AP3B1: variants seen among roughly 807,000 people sequenced by gnomAD.
AP3B1 encodes adaptor related protein complex 3 subunit beta 1.
A neutral mutation model predicts 132.5 loss-of-function variants in AP3B1; 61 were observed. The observed-to-expected ratio is 0.46, with a 90% confidence interval of 0.37 to 0.57. The LOEUF (loss-of-function observed/expected upper bound fraction) is 0.57. AP3B1 is among the 20% of genes least tolerant of loss of function. AP3B1 has a pLI of 0.00. For missense variants in AP3B1, 1,120 were observed against 1,289.4 expected, an observed-to-expected ratio of 0.87 and a Z score of 2.01; for synonymous variants, 388 against 438.3, an observed-to-expected ratio of 0.89 and a Z score of 1.43.
chr5:78,076,785 G>C (rs1749784832), intron 22 of AP3B1, among the ~76,000 whole-genome samples: 1 of 152,178 alleles, frequency 6.6e-6, no homozygotes, highest in Non-Finnish European at 1.5e-5. Flanking sequence ...GGTTCAGTGA[G>C]CTTCCCTGGC....
chr5:78,155,821 T>C (rs1374814809), intron 14 of AP3B1, among the ~76,000 whole-genome samples: 1 of 151,900 alleles, frequency 6.6e-6, no homozygotes, highest in African/African-American at 2.4e-5. Context: ...CAAAAACCAA[T>C]GATACACTTC....
At chr5:78,112,849 G>C (rs1179953746) in intron 19 of AP3B1, among the ~76,000 whole-genome samples, 1 of 152,126 alleles carries the variant, frequency 6.6e-6, no homozygotes, top group Non-Finnish European at 1.5e-5. Context: ...TGGTAACTAG[G>C]TTTTTAACTT....
At chr5:78,283,704 A>T (rs1209053812) in intron 1 of AP3B1, among the ~76,000 whole-genome samples, 1 of 152,104 alleles carries the variant, frequency 6.6e-6, no homozygotes, top group Non-Finnish European at 1.5e-5. Context: ...TCCAAAACGG[A>T]CCTCAACACT....
intron 22 of AP3B1, among the ~76,000 whole-genome samples, chr5:78,078,430 C>G (rs1749850992): frequency 6.6e-6 from 1 of 152,212 alleles, no homozygotes; most frequent in Non-Finnish European, 1.5e-5. Flanking sequence ...AACTGTTTCA[C>G]AATATGGCTT....
intron 6 of AP3B1, among the ~76,000 whole-genome samples, chr5:78,216,759 C>A (rs902180513): frequency 6.6e-6 from 1 of 152,052 alleles, no homozygotes; most frequent in South Asian, 2.1e-4. Context: ...CTTAATCCAC[C>A]GGTTTTTACC....
chr5:78,167,428 G>A (rs1415097936), intron 11 of AP3B1, among the ~76,000 whole-genome samples: 1 of 152,144 alleles, frequency 6.6e-6, no homozygotes, highest in African/African-American at 2.4e-5. Context: ...AAAACAGTGT[G>A]GAGATTCCTT....
chr5:78,036,629 G>A (rs2112095572), intron 23 of AP3B1, among the ~76,000 whole-genome samples: 1 of 152,082 alleles, frequency 6.6e-6, no homozygotes, highest in East Asian at 1.9e-4. Flanking sequence ...TGGGGAAAAT[G>A]GAATATTATT....
chr5:78,294,603 G>C lies in AP3B1; in HGVS notation c.-24C>G, dbSNP rs758418271. ...ATTGCCGCGGTGCTGGCGGGTGCGGGGTTGGTCCTGCCGGGGGTTCTCTCC... is the reference window on the plus strand; with the variant it reads ...ATTGCCGCGGTGCTGGCGGGTGCGGCGTTGGTCCTGCCGGGGGTTCTCTCC... On this transcript the variant is annotated 5_prime_UTR_variant, in exon 1 of 27. Transcript: ENST00000255194. The C allele has an allele frequency of 3.7e-6, 6 of 1,613,710 alleles. No individual in the cohort carries two copies. Among genetic ancestry groups the C allele is most frequent in the Non-Finnish European group, 5.1e-6 (6 of 1,180,038 alleles).
chr5:78,154,233 C>G (rs1352616225), intron 14 of AP3B1, among the ~76,000 whole-genome samples: 1 of 152,138 alleles, frequency 6.6e-6, no homozygotes, highest in Non-Finnish European at 1.5e-5. Flanking sequence ...ATATACTATT[C>G]TAGGGTAAAA....
At chr5:78,276,151 A>T (rs1748764893) in intron 1 of AP3B1, among the ~76,000 whole-genome samples, 1 of 151,700 alleles carries the variant, frequency 6.6e-6, no homozygotes, top group Non-Finnish European at 1.5e-5. Context: ...CTGCAGCCTC[A>T]AACTCCTAAG....
chr5:78,150,854 T>A (rs375721207), intron 14 of AP3B1, among the ~76,000 whole-genome samples: 15 of 152,274 alleles, frequency 9.9e-5, no homozygotes, highest in East Asian at 5.8e-4. Context: ...TCCCCAAATG[T>A]TAACATTTTA....
At chr5:78,125,502 G>A (rs1027491262) in intron 17 of AP3B1, among the ~76,000 whole-genome samples, 1 of 152,164 alleles carries the variant, frequency 6.6e-6, no homozygotes, top group Non-Finnish European at 1.5e-5. Context: ...GAAGGGAGAT[G>A]AAGTAGAGTG....
chr5:78,062,789 T>C (rs1394650508), intron 22 of AP3B1, among the ~76,000 whole-genome samples: 2 of 152,138 alleles, frequency 1.3e-5, no homozygotes, highest in African/African-American at 4.8e-5. Context: ...CTGCAATATT[T>C]CTTCAGGTCT....
At chr5:78,225,318 CT>C (rs1746359381) in intron 6 of AP3B1, among the ~76,000 whole-genome samples, 2 of 151,966 alleles carry the variant, frequency 1.3e-5, no homozygotes, top group Non-Finnish European at 1.5e-5. Context: ...CTCAACTTGC[CT>C]TTTTTCAGAT....
At chr5:78,275,700 C>CCT (rs1469717696) in intron 1 of AP3B1, among the ~76,000 whole-genome samples, 1 of 152,194 alleles carries the variant, frequency 6.6e-6, no homozygotes, top group African/African-American at 2.4e-5. Context: ...GTCTCGATCT[C>CCT]CTGACCTCGT....
At chr5:78,219,420 T>C (rs1746090517) in intron 6 of AP3B1, among the ~76,000 whole-genome samples, 1 of 152,026 alleles carries the variant, frequency 6.6e-6, no homozygotes, top group Non-Finnish European at 1.5e-5. Flanking sequence ...AGGCTTGTAG[T>C]AAAGTAGGAA....
intron 8 of AP3B1, 131 bp from the exon 9 acceptor site, chr5:78,177,567 C>T (rs1744199622): frequency 5.4e-6 from 4 of 742,364 alleles, no homozygotes; most frequent in East Asian, 2.7e-5. Flanking sequence ...TGTTACTCTT[C>T]GTAGTGAGTT....
intron 7 of AP3B1, among the ~76,000 whole-genome samples, chr5:78,193,742 T>C (rs868671604): frequency 3.4e-4 from 31 of 90,740 alleles, no homozygotes; most frequent in South Asian, 1.9e-3. Flanking sequence ...GTATATATTT[T>C]TTTATATATA....
intron 19 of AP3B1, among the ~76,000 whole-genome samples, chr5:78,113,405 A>C (rs1389071801): frequency 6.6e-6 from 1 of 152,222 alleles, no homozygotes; most frequent in Non-Finnish European, 1.5e-5. Flanking sequence ...TCTTGGTTAC[A>C]TAATGGCAAA....
Sources: allele counts gnomAD v4.1 joint callset (sites outside exome capture counted in the v4.1 genomes callset), GRCh38; gene constraint gnomAD v4.1.1; transcripts MANE v1.5; gene names NCBI Gene and HGNC (gene_info 2026-07-23, HGNC 2026-07-21).